Variants in ADGRA1 observed in about 807,000 individuals in gnomAD.
ADGRA1 encodes G-protein coupled receptor 123.
ADGRA1 carries 12 observed loss-of-function variants against 21.3 expected under a neutral mutation model. The observed-to-expected ratio is 0.56, with a 90% CI of 0.36 to 0.91. The LOEUF is 0.91. Among genes scored for constraint, ADGRA1 ranks in the 40% least tolerant of loss-of-function variants. The pLI is 0.01. For missense variants in ADGRA1, 790 were observed against 805.6 expected (o/e 0.98, Z 0.23); for synonymous variants, 385 against 368.8 (o/e 1.04, Z -0.50).
Position 133,102,748 on chromosome 10 carries a change from G to A in ADGRA1, c.307G>A (p.Val103Met). ...STLSTMLWIG[V>M]TARNIYKQVT... ...ACTGTCCACCATGCTGTGGATAGGA[G>A]TGACCGCCAGGAACATCTACAAGCA... Residue 103 changes from valine to methionine, a missense_variant, in exon 5 of 7, where the codon GTG (valine) becomes ATG (methionine). Val to Met is a conservative substitution (Grantham distance 21). Around this residue, in one of 3 missense-constraint regions of ADGRA1, gnomAD observed 382 missense variants for 415.6 expected, o/e 0.92. Transcript: ENST00000392607. 6.2e-7 allele frequency: 1 copy of A among 1,612,786 alleles called. No individual in the cohort carries two copies. Among genetic ancestry groups the A allele is most frequent in the South Asian group, 1.1e-5 (1 of 91,068 alleles).
intron 4 of ADGRA1, chr10:133,102,348 CAG>C (rs1161445633): frequency 3.9e-6 from 2 of 517,306 alleles, no homozygotes; most frequent in Non-Finnish European, 7.6e-6. Flanking sequence ...GGTCTGAGCT[CAG>C]GGGACGTTGG....
chr10:133,097,081 C>G lies in ADGRA1; in HGVS notation c.111C>G (p.Val37=), dbSNP rs62624493. ...TGCTCTGCCTCCTGGCCTCCTTCGT[C>G]ACCTACATCGTGCACCAGAGGTGAG... ...VMLLCLLASF[V]TYIVHQSAIR... Residue 37 remains valine, a synonymous_variant, in exon 3 of 7, where the codon GTC becomes GTG. Transcript: ENST00000392607. 8.7e-3 allele frequency: 13,954 copies of G among 1,607,010 alleles called. 96 individuals are homozygous for G. The highest frequency in any genetic ancestry group is 0.023 in the Middle Eastern group (139 of 6,062).
At chr10:133,123,242 G>T (rs888327167) in intron 5 of ADGRA1, among the ~76,000 whole-genome samples, 1 of 152,192 alleles carries the variant, frequency 6.6e-6, no homozygotes, top group African/African-American at 2.4e-5. Context: ...TGGCTGCGCC[G>T]TCCTCTCTTG....
At chr10:133,122,044 T>TG (rs930356127) in intron 5 of ADGRA1, among the ~76,000 whole-genome samples, 15 of 151,552 alleles carry the variant, frequency 9.9e-5, no homozygotes, top group South Asian at 6.2e-4. Flanking sequence ...TGTGTGAGAG[T>TG]GGGGGGGCAT....
At chr10:133,098,238 C>T (rs574097000) in intron 3 of ADGRA1, among the ~76,000 whole-genome samples, 33 of 152,308 alleles carry the variant, frequency 2.2e-4, no homozygotes, top group African/African-American at 7.2e-4. Context: ...AGTCTAATCA[C>T]GGTCTCTTCC....
chr10:133,092,049 T>C (rs1851604106), intron 2 of ADGRA1, among the ~76,000 whole-genome samples: 1 of 152,118 alleles, frequency 6.6e-6, no homozygotes, highest in Non-Finnish European at 1.5e-5. Flanking sequence ...AGCTCTGAGT[T>C]GTTAGGAAGT....
rs756592960 is a variant in ADGRA1, at chr10:133,129,529, G to A, written c.*18G>A. 3.2e-5 allele frequency: 50 copies of A among 1,560,362 alleles called. No individual in the cohort carries two copies. The highest frequency in any genetic ancestry group is 3.8e-5 in the Non-Finnish European group (44 of 1,157,952). Reference sequence around the variant, plus strand: ...CTGTGTAGATGGGGGCAGAGGACACGGTGTTCCTGGAGGAGCTTCAGAGCA... The same window carrying A: ...CTGTGTAGATGGGGGCAGAGGACACAGTGTTCCTGGAGGAGCTTCAGAGCA... On this transcript the variant is annotated 3_prime_UTR_variant, in exon 7 of 7. Coordinates refer to ENST00000392607, the MANE Select transcript of ADGRA1 (RefSeq NM_001083909.3).
chr10:133,097,193 C>A, intron 3 of ADGRA1, 92 bp downstream of exon 3: 1 of 1,454,308 alleles, frequency 6.9e-7, no homozygotes, highest in Non-Finnish European at 9.5e-7. Context: ...GCCACTGCCC[C>A]CTCATGTAGC....
At chr10:133,112,484 C>CGGTTATTTGGGGTCTGTAAGCAGTGTT (rs1428849600) in intron 5 of ADGRA1, among the ~76,000 whole-genome samples, 2 of 146,496 alleles carry the variant, frequency 1.4e-5, no homozygotes, top group Non-Finnish European at 3.0e-5. Context: ...CGGGCCGCGT[C>CGGTTATTTGGGGTCTGTAAGCAGTGTT]GGTTATTTGG....
chr10:133,123,112 G>C (rs982226837), intron 5 of ADGRA1, among the ~76,000 whole-genome samples: 3 of 152,180 alleles, frequency 2.0e-5, no homozygotes, highest in Non-Finnish European at 4.4e-5. Context: ...TGGTCTGCAG[G>C]CTCGTCCCAC....
At chr10:133,093,438 A>G (rs1387687844) in intron 2 of ADGRA1, among the ~76,000 whole-genome samples, 1 of 152,232 alleles carries the variant, frequency 6.6e-6, no homozygotes, top group Non-Finnish European at 1.5e-5. Flanking sequence ...GAAAGAGGAG[A>G]CACAAATAAG....
At chr10:133,103,147 T>A (rs1851830036) in intron 5 of ADGRA1, among the ~76,000 whole-genome samples, 1 of 152,180 alleles carries the variant, frequency 6.6e-6, no homozygotes, top group African/African-American at 2.4e-5. Flanking sequence ...GCCCTCCACA[T>A]CTGCAGCTGG....
intron 6 of ADGRA1, among the ~76,000 whole-genome samples, chr10:133,127,758 C>A (rs111911181): frequency 0.077 from 8,033 of 103,754 alleles, 432 homozygotes; most frequent in Middle Eastern, 0.11. Flanking sequence ...CTGCCCTCCG[C>A]CTTGCCCCGC....
rs964511382 is a variant in ADGRA1 at position 133,131,043 on chromosome 10, A to G, written c.*1532A>G. The G allele has an allele frequency of 2.0e-5, 3 of 152,280 alleles. No homozygotes were observed. Among genetic ancestry groups the G allele is most frequent in the Admixed American group, 1.3e-4 (2 of 15,290 alleles). 9.4% of individuals were successfully genotyped at this position (152,280 alleles called of 1,614,324 possible). The stretch of plus-strand genomic sequence containing the variant: ...AGCAGACTCGTCGGTGCGCTGTGCT[A>G]TCCGGTTGGGAGGTCTCACCAGGAG... On this transcript the variant is annotated 3_prime_UTR_variant, in exon 7 of 7. Coordinates refer to ENST00000392607, the MANE Select transcript of ADGRA1 (RefSeq NM_001083909.3).
At chr10:133,102,239 T>C (rs1320286251) in intron 4 of ADGRA1, 1 of 466,066 alleles carries the variant, frequency 2.1e-6, no homozygotes, top group South Asian at 1.5e-5. Context: ...GCCACACGAA[T>C]GCCGTCCCCG....
At position 133,128,358 on chromosome 10, in the gene ADGRA1, G is replaced by A; in HGVS notation, c.530G>A (p.Gly177Asp). The A allele has an allele frequency of 1.3e-6, 2 of 1,563,870 alleles. 1 individual carries two copies. The highest frequency in any genetic ancestry group is 1.7e-6 in the Non-Finnish European group (2 of 1,156,448). ...YCWMAWEPSLGAFYGPAAIIT... is the reference protein window; with the variant it reads ...YCWMAWEPSLDAFYGPAAIIT... ...TGGATGGCCTGGGAGCCCAGCCTGG[G>A]CGCCTTCTACGGCCCAGCCGCCATC... is the stretch of plus-strand genomic sequence containing the variant. Residue 177 changes from glycine (G) to aspartate (D), a missense_variant, in exon 7 of 7, where the codon GGC (glycine) becomes GAC (aspartate). Physicochemically the swap from Gly to Asp is moderately conservative, Grantham distance 94. Coordinates refer to ENST00000392607, the MANE Select transcript of ADGRA1 (RefSeq NM_001083909.3).
At chr10:133,106,014 G>GC (rs760311612) in intron 5 of ADGRA1, among the ~76,000 whole-genome samples, 1 of 152,204 alleles carries the variant, frequency 6.6e-6, no homozygotes, top group Admixed American at 6.5e-5. Context: ...CCCAGCATGA[G>GC]CCCCCCATGC....
chr10:133,095,629 A>G, intron 2 of ADGRA1: 1 of 1,582,920 alleles, frequency 6.3e-7, no homozygotes, highest in Non-Finnish European at 8.5e-7. Flanking sequence ...TTTGACTGTC[A>G]GCCAGTCCCT....
At chr10:133,089,258 C>T (rs546398081) in intron 2 of ADGRA1, among the ~76,000 whole-genome samples, 4 of 152,316 alleles carry the variant, frequency 2.6e-5, no homozygotes, top group Non-Finnish European at 4.4e-5. Flanking sequence ...GTCCCTGCCA[C>T]CCCAAGCCCC....
Sources: gnomAD v4.1 joint callset for allele counts (sites outside exome capture counted in the v4.1 genomes callset) on GRCh38, gnomAD v4.1.1 for gene constraint, gnomAD v4.1.1 regional missense constraint, MANE v1.5 for transcripts, NCBI Gene and HGNC (gene_info 2026-07-23, HGNC 2026-07-21) for gene names.